RBFOX1: variants seen among roughly 807,000 people sequenced by gnomAD.
RBFOX1 encodes the protein RNA binding fox-1 homolog 1, also known as RNA binding protein fox-1 homolog 1.
RBFOX1 carries 8 observed loss-of-function variants against 57.7 expected under a neutral mutation model. The ratio of observed to expected loss-of-function variants is 0.14; its 90% CI spans 0.08 to 0.25. The LOEUF is 0.25. Among genes scored for constraint, RBFOX1 ranks in the 10% least tolerant of loss-of-function variants. RBFOX1 has a pLI of 1.00. For missense variants in RBFOX1, 611 were observed against 548.5 expected (o/e 1.11, Z -1.14); for synonymous variants, 326 against 222.4 (o/e 1.47, Z -4.15).
intron 1 of RBFOX1, among the ~76,000 whole-genome samples, chr16:6,250,747 C>T (rs1438560383): frequency 6.6e-6 from 1 of 152,132 alleles, no homozygotes; most frequent in African/African-American, 2.4e-5. Flanking sequence ...CACTTCCCAG[C>T]TTGAATCAGG....
At chr16:7,191,176 C>G (rs1290200818) in intron 4 of RBFOX1, among the ~76,000 whole-genome samples, 7 of 152,034 alleles carry the variant, frequency 4.6e-5, no homozygotes, top group Admixed American at 4.6e-4. Flanking sequence ...CAAAGGAAAC[C>G]CCTTTCAACC....
At chr16:7,179,311 C>G (rs771019511) in intron 4 of RBFOX1, among the ~76,000 whole-genome samples, 19 of 151,686 alleles carry the variant, frequency 1.3e-4, no homozygotes, top group South Asian at 4.2e-4. Context: ...ATTCTGTGTT[C>G]AAACATTCTC....
chr16:7,513,548 CG>C (rs2075682834), intron 4 of RBFOX1, among the ~76,000 whole-genome samples: 1 of 152,142 alleles, frequency 6.6e-6, no homozygotes, highest in African/African-American at 2.4e-5. Context: ...TCAAGGTAGT[CG>C]TATACTCTGT....
Position 5,259,670 on chromosome 16 carries a change from G to C in RBFOX1, c.219+19565G>C, listed in dbSNP as rs181365220. Reference sequence around the variant, plus strand: ...TTAAGAAGAATCTTTTTGCCCTTCAGTTGTGTTTGTCATGAGTTAATGTGA... The same window carrying C: ...TTAAGAAGAATCTTTTTGCCCTTCACTTGTGTTTGTCATGAGTTAATGTGA... On this transcript the variant is annotated intron_variant, in intron 1 of 2. Transcript: ENST00000585867. Among the ~76,000 whole-genome samples the C allele has an allele frequency of 3.1e-3, 478 of 152,296 alleles. 1 individual carries two copies. The highest frequency in any genetic ancestry group is 4.5e-3 in the Non-Finnish European group (305 of 68,028).
At chr16:6,281,782 C>T (rs1037969757) in intron 1 of RBFOX1, among the ~76,000 whole-genome samples, 1 of 152,062 alleles carries the variant, frequency 6.6e-6, no homozygotes, top group Non-Finnish European at 1.5e-5. Flanking sequence ...TTCACAGACT[C>T]CTCTTAGAAA....
rs139755408 is a variant in RBFOX1 at position 6,022,631 on chromosome 16, C to T, written c.-127+2639C>T. 2.3e-4 allele frequency among the ~76,000 whole-genome samples: 35 copies of T among 152,168 alleles called. No homozygotes were observed. The East Asian group carries it at 6.4e-3, about 28-fold the overall frequency. Reference sequence around the variant, plus strand: ...TGAGAAGGTTGAGGCTGCAGTGAGCCGATATCACGCCACTGCACTCCAGCC... The same window carrying T: ...TGAGAAGGTTGAGGCTGCAGTGAGCTGATATCACGCCACTGCACTCCAGCC... On this transcript the variant is annotated intron_variant, in intron 1 of 15. Coordinates refer to ENST00000550418, the MANE Select transcript of RBFOX1 (RefSeq NM_018723.4).
At chr16:6,863,297 T>G (rs555522716) in intron 3 of RBFOX1, among the ~76,000 whole-genome samples, 2 of 152,014 alleles carry the variant, frequency 1.3e-5, no homozygotes, top group African/African-American at 2.4e-5. Context: ...GAAAAGTGAT[T>G]AGCAGCAAAT....
rs1231701302 is a variant in RBFOX1 at position 6,977,011 on chromosome 16, CATAT to C, written c.-15-75045_-15-75042del. On this transcript the variant is annotated intron_variant, in intron 3 of 15. Coordinates refer to ENST00000550418, the MANE Select transcript of RBFOX1 (RefSeq NM_018723.4). ...ATATCACATGCCATATATTGTATAT[CATAT>C]GTATCATGTATCATATATATCATAT... 1.3e-4 allele frequency among the ~76,000 whole-genome samples: 19 copies of C among 142,106 alleles called. 1 individual carries two copies. In the South Asian group the frequency reaches 2.9e-3, roughly 22 times the overall value. 93.2% of individuals were successfully genotyped at this position (142,106 alleles called of 152,430 possible). A position where few individuals can be genotyped will look rare whatever the true frequency, so the allele number is the denominator to read the frequency against.
intron 2 of RBFOX1, among the ~76,000 whole-genome samples, chr16:5,593,057 C>T (rs376560717): frequency 6.6e-6 from 1 of 152,100 alleles, no homozygotes; most frequent in East Asian, 1.9e-4. Context: ...AAAGAACTTG[C>T]TTATAAAACA....
At chr16:6,297,110 G>A (rs1478530387) in intron 1 of RBFOX1, among the ~76,000 whole-genome samples, 1 of 152,124 alleles carries the variant, frequency 6.6e-6, no homozygotes, top group Non-Finnish European at 1.5e-5. Context: ...GGTGCTGGTG[G>A]GAGTGTAGCG....
chr16:5,254,453 T>G (rs1383555743), intron 1 of RBFOX1, among the ~76,000 whole-genome samples: 1 of 152,196 alleles, frequency 6.6e-6, no homozygotes. Context: ...AGACCTTAGT[T>G]GTCAGTAGGA....
At chr16:5,402,475 A>G (rs1007645762) in intron 1 of RBFOX1, among the ~76,000 whole-genome samples, 1 of 152,170 alleles carries the variant, frequency 6.6e-6, no homozygotes, top group Non-Finnish European at 1.5e-5. Context: ...CATATGTACC[A>G]TCTGGTATTT....
chr16:5,911,695 G>C (rs1421139890), intron 4 of RBFOX1, among the ~76,000 whole-genome samples: 6 of 152,148 alleles, frequency 3.9e-5, no homozygotes, highest in Non-Finnish European at 7.3e-5. Context: ...TCTGGAGTCT[G>C]GGAAGTCCAG....
chr16:5,780,026 C>G lies in RBFOX1; in HGVS notation c.319-87277C>G, dbSNP rs114808919. 4.3e-3 allele frequency among the ~76,000 whole-genome samples: 651 copies of G among 152,290 alleles called. 6 individuals carry two copies. Among genetic ancestry groups the G allele is most frequent in the African/African-American group, 0.015 (612 of 41,568 alleles). On this transcript the variant is annotated intron_variant, in intron 3 of 19. Coordinates refer to the RBFOX1 transcript ENST00000641259. Reference sequence around the variant, plus strand: ...GCTATTATTATTGTTATTTTCAAGACGGAGTCTTGCTGTGTCGCCCCGGCT... The same window carrying G: ...GCTATTATTATTGTTATTTTCAAGAGGGAGTCTTGCTGTGTCGCCCCGGCT...
At chr16:5,968,565 C>T (rs1247106182) in intron 4 of RBFOX1, among the ~76,000 whole-genome samples, 1 of 152,094 alleles carries the variant, frequency 6.6e-6, no homozygotes, top group Non-Finnish European at 1.5e-5. Flanking sequence ...TGTCAAGCTA[C>T]CTGAAAATAA....
intron 4 of RBFOX1, among the ~76,000 whole-genome samples, chr16:7,399,742 T>C (rs1319394346): frequency 6.6e-6 from 1 of 152,128 alleles, no homozygotes; most frequent in Non-Finnish European, 1.5e-5. Flanking sequence ...TCAAGATCTT[T>C]TAACTTGATT....
At chr16:6,564,792 C>G (rs753513379) in intron 2 of RBFOX1, among the ~76,000 whole-genome samples, 2 of 152,088 alleles carry the variant, frequency 1.3e-5, no homozygotes, top group African/African-American at 4.8e-5. Flanking sequence ...ATATATAAAT[C>G]ATCACATTGT....
intron 1 of RBFOX1, among the ~76,000 whole-genome samples, chr16:6,130,198 A>G (rs762955591): frequency 2.0e-5 from 3 of 152,144 alleles, no homozygotes; most frequent in Admixed American, 6.5e-5. Flanking sequence ...AAAATGATAC[A>G]GTTTTATTCT....
chr16:5,309,854 C>A (rs1049346327), intron 1 of RBFOX1, among the ~76,000 whole-genome samples: 1 of 152,210 alleles, frequency 6.6e-6, no homozygotes. Context: ...CTTTGTTTCC[C>A]TGCCTGGCAT....
Sources: gnomAD v4.1 joint callset for allele counts (sites outside exome capture counted in the v4.1 genomes callset) on GRCh38, gnomAD v4.1.1 for gene constraint, MANE v1.5 for transcripts, NCBI Gene and HGNC (gene_info 2026-07-23, HGNC 2026-07-21) for gene names.